CALU: variants seen among roughly 807,000 people sequenced by gnomAD.
CALU encodes the protein calumenin.
In CALU, 13 loss-of-function variants were observed where a neutral mutation model predicts 37.5. That is an observed-to-expected ratio of 0.35 (90% CI 0.23 to 0.55). The LOEUF (loss-of-function observed/expected upper bound fraction) is 0.55. Ranked by LOEUF, CALU falls within the 20% of genes least tolerant of loss-of-function variation. CALU has a pLI of 0.89. For synonymous variants in CALU, 114 were observed against 133.8 expected (o/e 0.85, Z 1.02); for missense variants, 282 against 391.7 (o/e 0.72, Z 2.36).
At chr7:128,754,795 G>A in intron 3 of CALU, 1 of 849,550 alleles carries the variant, frequency 1.2e-6, no homozygotes, top group South Asian at 2.0e-5. Context: ...ACACAGTAAA[G>A]GAAAGGAAGC....
At chr7:128,765,628 C>T (rs1302456395) in intron 5 of CALU, among the ~76,000 whole-genome samples, 2 of 152,138 alleles carry the variant, frequency 1.3e-5, no homozygotes, top group Non-Finnish European at 2.9e-5. Context: ...TTAGAGTCTT[C>T]TGTGTTAAGT....
At chr7:128,763,615 T>C (rs1383693648) in intron 5 of CALU, among the ~76,000 whole-genome samples, 1 of 152,206 alleles carries the variant, frequency 6.6e-6, no homozygotes, top group Non-Finnish European at 1.5e-5. Context: ...TACGTTGTAG[T>C]GTATTGTGTA....
chr7:128,748,535 A>G (rs373508626), intron 1 of CALU, 38 bp from the exon 2 acceptor site: 1 of 1,486,302 alleles, frequency 6.7e-7, no homozygotes, highest in East Asian at 2.3e-5. Flanking sequence ...TATTAAGCAT[A>G]CTGCCTCCTG....
In CALU at chr7:128,757,546, A is replaced by AG. The variant is rs879510961; in HGVS notation, c.416-1325_416-1324insG. Reference sequence around the variant, plus strand: ...CTGTGCTTAAAGTATGGAAAGACTGAACAATCTCAAAGGTCAGCAGTAATG... The same window carrying AG: ...CTGTGCTTAAAGTATGGAAAGACTGAGACAATCTCAAAGGTCAGCAGTAATG... On this transcript the variant is annotated intron_variant, in intron 3 of 6. Transcript: ENST00000249364. 7.7e-4 allele frequency among the ~76,000 whole-genome samples: 117 copies of AG among 152,296 alleles called. 1 individual carries two copies. The highest frequency in any genetic ancestry group is 1.4e-3 in the Non-Finnish European group (92 of 68,014).
intron 3 of CALU, among the ~76,000 whole-genome samples, chr7:128,757,435 T>C (rs1376810005): frequency 6.6e-6 from 1 of 151,994 alleles, no homozygotes; most frequent in Non-Finnish European, 1.5e-5. Flanking sequence ...GCTGTCTGAC[T>C]GAATTTTTGA....
intron 4 of CALU, 104 bp downstream of exon 4, chr7:128,759,141 G>A: frequency 1.2e-5 from 9 of 775,012 alleles, no homozygotes; most frequent in Non-Finnish European, 1.0e-5. Context: ...ATATATATAT[G>A]CTATATAGCA....
Position 128,767,646 on chromosome 7 carries a change from C to T in CALU, c.834C>T (p.Asp278=), listed in dbSNP as rs1801387274. ...CCAGGCACCTGGTCTATGAATCAGA[C>T]CAAAACAAGGTAAGTCTGGCGAGGC... ...AEARHLVYES[D]QNKDGKLTKE... is the part of the protein sequence containing the mutation. The change falls in exon 6 of 7, where the codon GAC becomes GAT. Residue 278 remains aspartate (D), a synonymous_variant. Transcript: ENST00000249364. 1 of 1,613,882 alleles carries T rather than the reference C, an allele frequency of 6.2e-7. No individual in the cohort carries two copies. Among genetic ancestry groups the T allele is most frequent in the Admixed American group, 1.7e-5 (1 of 59,998 alleles).
intron 6 of CALU, among the ~76,000 whole-genome samples, chr7:128,768,365 G>T (rs912433782): frequency 6.6e-6 from 1 of 152,084 alleles, no homozygotes; most frequent in African/African-American, 2.4e-5. Flanking sequence ...TAGTAGCCAG[G>T]TGTTGTGTCC....
At chr7:128,740,006 T>A (rs1257606435) in intron 1 of CALU, among the ~76,000 whole-genome samples, 2 of 152,218 alleles carry the variant, frequency 1.3e-5, no homozygotes, top group African/African-American at 4.8e-5. Flanking sequence ...GCTGAATGTT[T>A]AGAGCTTCCA....
rs545059084 is a variant in CALU, at chr7:128,743,115, C to T, written c.-12+3683C>T. On this transcript the variant is annotated intron_variant, in intron 1 of 6. Coordinates refer to ENST00000249364, the MANE Select transcript of CALU (RefSeq NM_001219.5). ...CCACATTTCAAGTGCTTAGTAGTCA[C>T]ATGTGGCTAGTGGCTACTGTACTGG... 3.3e-5 allele frequency among the ~76,000 whole-genome samples: 5 copies of T among 151,936 alleles called. No homozygotes were observed. The East Asian group carries it at 7.7e-4, about 23-fold the overall frequency.
rs1801535258 is a variant in CALU, at chr7:128,770,894, T to C, written c.*1727T>C. 1 of 152,670 alleles carries C rather than the reference T, an allele frequency of 6.6e-6. No individual in the cohort carries two copies. The highest frequency in any genetic ancestry group is 1.5e-5 in the Non-Finnish European group (1 of 68,048). The allele number at this position is 152,670 out of a possible 1,614,324, so 9.5% of individuals were successfully genotyped here. A position where few individuals can be genotyped will look rare whatever the true frequency, so the allele number is the denominator to read the frequency against. ...ATTTATTATAATCTGAACCTAGGTA[T>C]ATCCTTTGGTCTTCCACAGTCATGT... On this transcript the variant is annotated 3_prime_UTR_variant, in exon 7 of 7. Coordinates refer to ENST00000249364, the MANE Select transcript of CALU (RefSeq NM_001219.5).
In CALU at chr7:128,771,269, T is replaced by C. The variant is rs1007518423; in HGVS notation, c.*2102T>C. 2.0e-5 allele frequency: 3 copies of C among 152,590 alleles called. No individual in the cohort carries two copies. The highest frequency in any genetic ancestry group is 7.2e-5 in the African/African-American group (3 of 41,434). The allele number at this position is 152,590 out of a possible 1,614,324, so 9.5% of individuals were successfully genotyped here. ...AGCATTATACGGTCATCTTGAATGA[T>C]CCCTTTGAAATTTTTTTTTTGTTTG... is the stretch of plus-strand genomic sequence containing the variant. On this transcript the variant is annotated 3_prime_UTR_variant, in exon 7 of 7. Coordinates refer to ENST00000249364, the MANE Select transcript of CALU (RefSeq NM_001219.5).
intron 5 of CALU, among the ~76,000 whole-genome samples, chr7:128,762,516 C>T (rs1801160132): frequency 1.3e-5 from 2 of 150,328 alleles, no homozygotes; most frequent in East Asian, 1.9e-4. Context: ...CAAAGTTCTT[C>T]GCCTCATAAA....
rs139193450 is a variant in CALU at position 128,770,874 on chromosome 7, T to C, written c.*1707T>C. ...CATTCAGGTGGTGCTGGGTGATTTATTATAATCTGAACCTAGGTATATCCT... is the reference window on the plus strand; with the variant it reads ...CATTCAGGTGGTGCTGGGTGATTTACTATAATCTGAACCTAGGTATATCCT... On this transcript the variant is annotated 3_prime_UTR_variant, in exon 7 of 7. Coordinates refer to ENST00000249364, the MANE Select transcript of CALU (RefSeq NM_001219.5). 1 of 152,770 alleles carries C rather than the reference T, an allele frequency of 6.5e-6. No individual in the cohort carries two copies. Among genetic ancestry groups the C allele is most frequent in the African/African-American group, 2.4e-5 (1 of 41,582 alleles). 9.5% of individuals were successfully genotyped at this position (152,770 alleles called of 1,614,324 possible).
intron 5 of CALU, among the ~76,000 whole-genome samples, chr7:128,764,401 G>A (rs1449382846): frequency 6.9e-6 from 1 of 145,886 alleles, no homozygotes; most frequent in Non-Finnish European, 1.6e-5. Flanking sequence ...ACTCCAGCCT[G>A]GGCAACAGAG....
At chr7:128,744,358 C>T (rs887347192) in intron 1 of CALU, among the ~76,000 whole-genome samples, 1 of 152,030 alleles carries the variant, frequency 6.6e-6, no homozygotes, top group African/African-American at 2.4e-5. Flanking sequence ...TACCAAAAAC[C>T]ATATGGTTTT....
intron 1 of CALU, among the ~76,000 whole-genome samples, chr7:128,747,060 G>A (rs1027356814): frequency 5.3e-5 from 8 of 151,944 alleles, no homozygotes; most frequent in Non-Finnish European, 1.2e-4. Flanking sequence ...GAGCCACTGC[G>A]CCCGGCCCAT....
At chr7:128,760,752 C>G (rs1041577745) in intron 5 of CALU, among the ~76,000 whole-genome samples, 4 of 152,092 alleles carry the variant, frequency 2.6e-5, no homozygotes, top group Admixed American at 2.6e-4. Context: ...ACTAAAAATA[C>G]AAAAAATTAG....
intron 5 of CALU, among the ~76,000 whole-genome samples, chr7:128,760,678 G>C (rs10236445): frequency 0.074 from 11,194 of 152,152 alleles, 1,363 homozygotes; most frequent in African/African-American, 0.25. Context: ...GGAGGCCGAG[G>C]CGGGCGGATC....
Sources: gnomAD v4.1 joint callset for allele counts (sites outside exome capture counted in the v4.1 genomes callset) on GRCh38, gnomAD v4.1.1 for gene constraint, MANE v1.5 for transcripts, NCBI Gene and HGNC (gene_info 2026-07-23, HGNC 2026-07-21) for gene names.